ZNF385D: variants seen among roughly 807,000 people sequenced by gnomAD.
ZNF385D encodes zinc finger protein 385D.
In ZNF385D, 15 loss-of-function variants were observed where a neutral mutation model predicts 35.8. The ratio of observed to expected loss-of-function variants is 0.42; its 90% CI spans 0.28 to 0.64. The LOEUF (loss-of-function observed/expected upper bound fraction) is 0.64, where lower values mean the gene tolerates loss of function less well. ZNF385D is among the 30% of genes least tolerant of loss of function. The pLI is 0.23. For synonymous variants in ZNF385D, 212 were observed against 186.8 expected (o/e 1.13, Z -1.10); for missense variants, 474 against 494.6 (o/e 0.96, Z 0.39).
chr3:21,801,616 A>G (rs1317034900), intron 3 of ZNF385D, among the ~76,000 whole-genome samples: 1 of 152,174 alleles, frequency 6.6e-6, no homozygotes, highest in African/African-American at 2.4e-5. Context: ...CTACTGTAGC[A>G]GAGCCATTAC....
chr3:22,119,366 T>C (rs1702969983), intron 3 of ZNF385D, among the ~76,000 whole-genome samples: 1 of 152,200 alleles, frequency 6.6e-6, no homozygotes, highest in Admixed American at 6.6e-5. Flanking sequence ...TCATATAAAC[T>C]GAAATGCAGT....
chr3:21,538,096 G>A (rs930036328), intron 3 of ZNF385D, among the ~76,000 whole-genome samples: 4 of 152,086 alleles, frequency 2.6e-5, no homozygotes, highest in Admixed American at 1.3e-4. Flanking sequence ...TTTAGCCAGT[G>A]GAACCAGAGG....
intron 2 of ZNF385D, among the ~76,000 whole-genome samples, chr3:21,588,419 A>G (rs141351210): frequency 5.1e-5 from 7 of 136,726 alleles, no homozygotes; most frequent in Non-Finnish European, 1.1e-4. Flanking sequence ...TTTAATTTTT[A>G]GAATGCATAA....
At chr3:22,127,886 G>C (rs556383777) in intron 3 of ZNF385D, among the ~76,000 whole-genome samples, 15 of 152,196 alleles carry the variant, frequency 9.9e-5, no homozygotes, top group African/African-American at 3.6e-4. Flanking sequence ...TATTTTGGTA[G>C]TTTCATCTTT....
At chr3:22,002,814 C>T (rs960513816) in intron 3 of ZNF385D, among the ~76,000 whole-genome samples, 4 of 152,126 alleles carry the variant, frequency 2.6e-5, no homozygotes, top group Admixed American at 6.5e-5. Context: ...TGATACATTA[C>T]ATTAACAAAA....
chr3:21,498,246 A>T (rs1305045612), intron 4 of ZNF385D, among the ~76,000 whole-genome samples: 1 of 152,172 alleles, frequency 6.6e-6, no homozygotes, highest in East Asian at 1.9e-4. Flanking sequence ...TAAAGGTAAA[A>T]TCTAAAATGA....
chr3:22,248,771 G>A (rs1281079172), intron 2 of ZNF385D, among the ~76,000 whole-genome samples: 1 of 152,066 alleles, frequency 6.6e-6, no homozygotes, highest in African/African-American at 2.4e-5. Flanking sequence ...TGTCGCCTTT[G>A]TGTAGTTGTG....
intron 3 of ZNF385D, among the ~76,000 whole-genome samples, chr3:21,519,134 G>A (rs1707763001): frequency 6.6e-6 from 1 of 152,004 alleles, no homozygotes; most frequent in South Asian, 2.1e-4. Context: ...AAAAGGGGGG[G>A]AAAGATAATA....
intron 3 of ZNF385D, among the ~76,000 whole-genome samples, chr3:21,829,103 A>C (rs1159529741): frequency 6.6e-6 from 1 of 152,210 alleles, no homozygotes; most frequent in East Asian, 1.9e-4. Flanking sequence ...TAGAATGTTG[A>C]CATTTTTCTG....
At chr3:21,891,528 T>G (rs143145304) in intron 3 of ZNF385D, among the ~76,000 whole-genome samples, 2,003 of 152,244 alleles carry the variant, frequency 0.013, 28 homozygotes, top group Middle Eastern at 0.031. Context: ...CAGAGGTAAA[T>G]GATATAAGAC....
In ZNF385D at chr3:22,009,246, T is replaced by G. The variant is rs111853436; in HGVS notation, c.325+159571A>C. Among the ~76,000 whole-genome samples the G allele has an allele frequency of 1.4e-3, 208 of 151,910 alleles. 1 individual carries two copies. Among genetic ancestry groups the G allele is most frequent in the African/African-American group, 4.5e-3 (188 of 41,456 alleles). ...TAATGTTTGAAACAGAGAAAAATTG[T>G]AATGAATATCCATATCCATCAACAG... On this transcript the variant is annotated intron_variant, in intron 3 of 5. Coordinates refer to the ZNF385D transcript ENST00000494108.
chr3:21,467,364 T>C lies in ZNF385D; in HGVS notation c.440-30161A>G, dbSNP rs547821259. On this transcript the variant is annotated intron_variant, in intron 4 of 7. Coordinates refer to ENST00000281523, the MANE Select transcript of ZNF385D (RefSeq NM_024697.3). ...CTTTGCCAAAACATTATTCTGATTC[T>C]AAGTGCCCGTAAGTTGGAAGACAAA... Among the ~76,000 whole-genome samples, 17 of 152,320 alleles carry C rather than the reference T, an allele frequency of 1.1e-4. 1 individual carries two copies. Among genetic ancestry groups the C allele is most frequent in the Admixed American group, 1.1e-3 (17 of 15,288 alleles).
At chr3:21,848,430 T>G (rs1395392846) in intron 3 of ZNF385D, among the ~76,000 whole-genome samples, 3 of 151,660 alleles carry the variant, frequency 2.0e-5, no homozygotes, top group Non-Finnish European at 4.4e-5. Flanking sequence ...AAATAGAAAA[T>G]AGAAAAACAA....
At chr3:21,923,888 A>T (rs1207323546) in intron 3 of ZNF385D, among the ~76,000 whole-genome samples, 1 of 152,218 alleles carries the variant, frequency 6.6e-6, no homozygotes, top group Non-Finnish European at 1.5e-5. Context: ...AGTTAACCTC[A>T]GTATCACATA....
intron 2 of ZNF385D, among the ~76,000 whole-genome samples, chr3:22,371,884 C>T (rs867915225): frequency 6.6e-6 from 1 of 152,082 alleles, no homozygotes; most frequent in South Asian, 2.1e-4. Context: ...TCATCCTGCC[C>T]TCAAAACGCG....
intron 3 of ZNF385D, among the ~76,000 whole-genome samples, chr3:22,099,977 A>T (rs1222641297): frequency 6.6e-6 from 1 of 152,112 alleles, no homozygotes. Context: ...AACTCAAACA[A>T]ATTTACAAGA....
At chr3:21,759,972 A>G (rs1178049635) in intron 3 of ZNF385D, among the ~76,000 whole-genome samples, 2 of 152,210 alleles carry the variant, frequency 1.3e-5, no homozygotes, top group Non-Finnish European at 1.5e-5. Flanking sequence ...CCAAGTGTGC[A>G]TAATTCTGTG....
chr3:22,038,355 C>G (rs949651185), intron 3 of ZNF385D, among the ~76,000 whole-genome samples: 1 of 152,170 alleles, frequency 6.6e-6, no homozygotes, highest in African/African-American at 2.4e-5. Context: ...TACTGGCTTT[C>G]TCACTTATTA....
Position 21,898,603 on chromosome 3 carries a change from C to G in ZNF385D, c.326-233575G>C, listed in dbSNP as rs111384153. On this transcript the variant is annotated intron_variant, in intron 3 of 5. Transcript: ENST00000494108. ...ACCAGAAGTTGTAAATGCAACATCT[C>G]TAGTCATTGTGAATGTGTCAGTTAG... Among the ~76,000 whole-genome samples the G allele has an allele frequency of 3.3e-3, 496 of 152,192 alleles. 5 individuals are homozygous for G. Among genetic ancestry groups the G allele is most frequent in the African/African-American group, 0.011 (471 of 41,532 alleles).
Sources: gnomAD v4.1 joint callset for allele counts (sites outside exome capture counted in the v4.1 genomes callset) on GRCh38, gnomAD v4.1.1 for gene constraint, MANE v1.5 for transcripts, NCBI Gene and HGNC (gene_info 2026-07-23, HGNC 2026-07-21) for gene names.